Variants in CEP128 observed in about 807,000 individuals in gnomAD.
The protein encoded by CEP128 is centrosomal protein 128.
A neutral mutation model predicts 156.7 loss-of-function variants in CEP128; 132 were observed. That is an observed-to-expected ratio of 0.84 (90% confidence interval 0.73 to 0.97). CEP128 has a LOEUF of 0.97. Among genes scored for constraint, CEP128 ranks in the 50% least tolerant of loss-of-function variants. The pLI, the probability that CEP128 is intolerant of heterozygous loss-of-function variation, is 0.00. For synonymous variants in CEP128, 469 were observed against 448.9 expected (o/e 1.04, Z -0.57); for missense variants, 1,252 against 1,281.9 (o/e 0.98, Z 0.36).
At chr14:80,711,920 T>C (rs1897426576) in intron 19 of CEP128, among the ~76,000 whole-genome samples, 1 of 152,182 alleles carries the variant, frequency 6.6e-6, no homozygotes, top group Non-Finnish European at 1.5e-5. Flanking sequence ...CAATGGTGTT[T>C]ATTGAACTAT....
intron 13 of CEP128, among the ~76,000 whole-genome samples, chr14:80,813,688 T>C (rs1566645198): frequency 1.3e-5 from 2 of 152,202 alleles, no homozygotes; most frequent in Non-Finnish European, 2.9e-5. Flanking sequence ...CTTTAAACCA[T>C]ATTAACACAA....
chr14:80,953,050 G>A (rs1167028532), intron 2 of CEP128, among the ~76,000 whole-genome samples: 1 of 152,090 alleles, frequency 6.6e-6, no homozygotes, highest in Non-Finnish European at 1.5e-5. Context: ...CAGCTTCACT[G>A]GAGAATTCTA....
intron 19 of CEP128, among the ~76,000 whole-genome samples, chr14:80,615,848 CAAATAAATAAATAAAT>C (rs56839383): frequency 0.74 from 110,220 of 149,150 alleles, 41,313 homozygotes; most frequent in Admixed American, 0.82. Context: ...AACTCCATCT[CAAATAAATAAATAAAT>C]AAATAAATAA....
chr14:80,481,368 C>A (rs1000652714), intron 14 of CEP128, among the ~76,000 whole-genome samples: 22 of 152,262 alleles, frequency 1.4e-4, no homozygotes, highest in African/African-American at 5.3e-4. Context: ...TGGGAAAGAC[C>A]GGCCCCCATG....
intron 19 of CEP128, among the ~76,000 whole-genome samples, chr14:80,706,001 C>A (rs933561835): frequency 2.6e-5 from 4 of 152,114 alleles, no homozygotes; most frequent in Non-Finnish European, 4.4e-5. Flanking sequence ...TATATATCAT[C>A]TACATGCTTC....
intron 19 of CEP128, among the ~76,000 whole-genome samples, chr14:80,666,078 G>A (rs532683760): frequency 3.3e-5 from 5 of 152,246 alleles, no homozygotes; most frequent in African/African-American, 1.2e-4. Context: ...AACCACCAGG[G>A]TAGTTAATTT....
At chr14:80,822,828 T>A (rs1317590077) in intron 13 of CEP128, 1 of 728,302 alleles carries the variant, frequency 1.4e-6, no homozygotes, top group East Asian at 2.6e-5. Flanking sequence ...TGTGTAAACT[T>A]CTGTTGACTG....
chr14:80,812,565 GT>G (rs1884619650), intron 13 of CEP128, among the ~76,000 whole-genome samples: 1 of 151,638 alleles, frequency 6.6e-6, no homozygotes, highest in African/African-American at 2.4e-5. Flanking sequence ...GCCTCTGGTT[GT>G]TGTTGTTGTT....
At chr14:80,808,436 A>C (rs753678321) in intron 13 of CEP128, among the ~76,000 whole-genome samples, 3 of 152,122 alleles carry the variant, frequency 2.0e-5, no homozygotes, top group Admixed American at 6.5e-5. Flanking sequence ...CCTACCAACA[A>C]CACCAGCATA....
At chr14:80,831,426 C>G (rs940678105) in intron 12 of CEP128, 132 bp from the exon 13 acceptor site, 2 of 864,314 alleles carry the variant, frequency 2.3e-6, no homozygotes, top group Non-Finnish European at 3.4e-6. Context: ...ACTCAACAGA[C>G]TTTGCCAGCC....
chr14:80,793,003 A>G lies in CEP128; in HGVS notation c.1317T>C (p.His439=), dbSNP rs531792163. The G allele has an allele frequency of 2.5e-6, 4 of 1,614,190 alleles. No individual in the cohort carries two copies. Among genetic ancestry groups the G allele is most frequent in the African/African-American group, 1.3e-5 (1 of 75,072 alleles). ...TCAGCTCTGAGATCTGAAGGTCAGC[A>G]TGCTTACGCTCGGCCTCACATGTGT... ...HFDTCEAERK[H]ADLQISELTR... The change falls in exon 14 of 25, where the codon CAT becomes CAC. Residue 439 remains histidine (H), a synonymous_variant. Coordinates refer to ENST00000555265, the MANE Select transcript of CEP128 (RefSeq NM_152446.5).
chr14:80,724,059 C>T (rs1298655795), intron 19 of CEP128, among the ~76,000 whole-genome samples: 1 of 152,054 alleles, frequency 6.6e-6, no homozygotes, highest in South Asian at 2.1e-4. Flanking sequence ...CATAACAAAC[C>T]AGACAAGCCT....
At chr14:80,721,605 T>C (rs995153095) in intron 19 of CEP128, among the ~76,000 whole-genome samples, 21 of 152,234 alleles carry the variant, frequency 1.4e-4, no homozygotes, top group East Asian at 1.9e-4. Flanking sequence ...CTTTTTAATA[T>C]TTTATTATCA....
At chr14:80,865,534 C>G (rs1272469403) in intron 8 of CEP128, among the ~76,000 whole-genome samples, 2 of 152,112 alleles carry the variant, frequency 1.3e-5, no homozygotes, top group East Asian at 3.9e-4. Context: ...ACATAGGTCC[C>G]AATGATCCAT....
At chr14:80,568,816 C>G (rs193153958) in intron 20 of CEP128, among the ~76,000 whole-genome samples, 23 of 152,184 alleles carry the variant, frequency 1.5e-4, no homozygotes, top group African/African-American at 5.3e-4. Context: ...AAAAAAAAAC[C>G]AACAACTAAG....
chr14:80,936,344 T>G (rs571216989), intron 2 of CEP128, among the ~76,000 whole-genome samples: 1 of 151,952 alleles, frequency 6.6e-6, no homozygotes, highest in East Asian at 1.9e-4. Flanking sequence ...ATGACACCAC[T>G]GCACTCCAGC....
intron 19 of CEP128, among the ~76,000 whole-genome samples, chr14:80,593,735 G>C (rs1195072958): frequency 6.6e-6 from 1 of 152,070 alleles, no homozygotes; most frequent in Admixed American, 6.5e-5. Flanking sequence ...GCTACAAAGA[G>C]AATAAAATAT....
chr14:80,499,955 T>C (rs1887660185), intron 24 of CEP128, among the ~76,000 whole-genome samples: 1 of 152,174 alleles, frequency 6.6e-6, no homozygotes, highest in South Asian at 2.1e-4. Context: ...GGCCATAACT[T>C]CCAGCAGGCC....
chr14:80,825,894 T>G (rs550837091), intron 13 of CEP128, among the ~76,000 whole-genome samples: 1 of 151,976 alleles, frequency 6.6e-6, no homozygotes, highest in South Asian at 2.1e-4. Flanking sequence ...GATCATGAGG[T>G]CAGGAGTTCG....
Sources: gnomAD v4.1 joint callset for allele counts (sites outside exome capture counted in the v4.1 genomes callset) on GRCh38, gnomAD v4.1.1 for gene constraint, MANE v1.5 for transcripts, NCBI Gene and HGNC (gene_info 2026-07-23, HGNC 2026-07-21) for gene names.